The following TMEM132D variants were observed in gnomAD, a reference collection of about 807,000 sequenced individuals.
TMEM132D encodes the protein transmembrane protein 132D.
Under a neutral mutation model 62.3 loss-of-function variants are expected in TMEM132D, and 21 were observed. The ratio of observed to expected loss-of-function variants is 0.34; its 90% CI spans 0.24 to 0.49. The LOEUF (loss-of-function observed/expected upper bound fraction) is 0.49. Among genes scored for constraint, TMEM132D ranks in the 20% least tolerant of loss-of-function variants. The pLI is 0.99. For missense variants in TMEM132D, 1,346 were observed against 1,402.8 expected (o/e 0.96, Z 0.65); for synonymous variants, 621 against 575.6 (o/e 1.08, Z -1.13).
intron 1 of TMEM132D, among the ~76,000 whole-genome samples, chr12:129,824,478 C>T (rs1322496957): frequency 3.3e-5 from 5 of 152,104 alleles, no homozygotes; most frequent in Non-Finnish European, 5.9e-5. Flanking sequence ...GCCCTCGCCC[C>T]AAGTATGACG....
At chr12:129,840,716 C>A (rs912678796) in intron 1 of TMEM132D, among the ~76,000 whole-genome samples, 3 of 152,200 alleles carry the variant, frequency 2.0e-5, no homozygotes, top group Non-Finnish European at 4.4e-5. Context: ...GTGTTCCAGT[C>A]CCACCCTGGC....
At chr12:129,870,775 G>A (rs1874214779) in intron 1 of TMEM132D, among the ~76,000 whole-genome samples, 1 of 152,146 alleles carries the variant, frequency 6.6e-6, no homozygotes, top group Admixed American at 6.5e-5. Flanking sequence ...TTTGGCTCAG[G>A]TTTGGTTAAG....
chr12:129,659,764 A>T (rs1880189181), intron 2 of TMEM132D, among the ~76,000 whole-genome samples: 1 of 152,232 alleles, frequency 6.6e-6, no homozygotes, highest in Admixed American at 6.5e-5. Context: ...CATGAAATAT[A>T]ATCTAGCTCT....
chr12:129,124,942 A>G (rs1876170851), intron 5 of TMEM132D, among the ~76,000 whole-genome samples: 1 of 152,180 alleles, frequency 6.6e-6, no homozygotes, highest in African/African-American at 2.4e-5. Context: ...TATTAATGTA[A>G]TTACATTTCC....
At chr12:129,135,931 T>G (rs1028684333) in intron 5 of TMEM132D, among the ~76,000 whole-genome samples, 2 of 152,342 alleles carry the variant, frequency 1.3e-5, no homozygotes, top group Middle Eastern at 3.4e-3. Context: ...AGGGCCCACC[T>G]TATTGCAGTA....
intron 2 of TMEM132D, among the ~76,000 whole-genome samples, chr12:129,547,727 G>A (rs1466113111): frequency 3.3e-5 from 5 of 152,228 alleles, no homozygotes; most frequent in Non-Finnish European, 7.3e-5. Context: ...ACTTCTCATA[G>A]TGTGCTGTTG....
intron 1 of TMEM132D, among the ~76,000 whole-genome samples, chr12:129,874,453 A>C (rs1254553456): frequency 3.9e-5 from 6 of 152,040 alleles, no homozygotes; most frequent in Non-Finnish European, 7.4e-5. Context: ...TTTTAAAAGT[A>C]ACTGTGTGAG....
Position 129,073,611 on chromosome 12 carries a change from T to G in TMEM132D, c.*264A>C, listed in dbSNP as rs779733905. 1 of 377,106 alleles carries G rather than the reference T, an allele frequency of 2.7e-6. No individual in the cohort carries two copies. The highest frequency in any genetic ancestry group is 4.7e-6 in the Non-Finnish European group (1 of 211,396). 23.4% of individuals were successfully genotyped at this position (377,106 alleles called of 1,614,324 possible). A position where few individuals can be genotyped will look rare whatever the true frequency, so the allele number is the denominator to read the frequency against. On this transcript the variant is annotated 3_prime_UTR_variant, in exon 9 of 9. Transcript: ENST00000422113. Reference sequence around the variant, plus strand: ...CTGGACGCTCTCAGACGCTCAGTGATTCAGAACTCGTTTTTGTTTCAAGTC... The same window carrying G: ...CTGGACGCTCTCAGACGCTCAGTGAGTCAGAACTCGTTTTTGTTTCAAGTC...
chr12:129,895,454 A>C (rs1875076351), intron 1 of TMEM132D, among the ~76,000 whole-genome samples: 1 of 152,168 alleles, frequency 6.6e-6, no homozygotes, highest in Admixed American at 6.5e-5. Flanking sequence ...GGTACAAATG[A>C]TATCTTGTCT....
At chr12:129,240,928 C>T (rs10744405) in intron 4 of TMEM132D, among the ~76,000 whole-genome samples, 60,993 of 151,876 alleles carry the variant, frequency 0.4, 13,427 homozygotes, top group Middle Eastern at 0.5. Context: ...CCTCTTTATC[C>T]TGCCTTCTGA....
At chr12:129,826,529 A>G (rs1872668497) in intron 1 of TMEM132D, among the ~76,000 whole-genome samples, 1 of 152,154 alleles carries the variant, frequency 6.6e-6, no homozygotes, top group African/African-American at 2.4e-5. Flanking sequence ...CTGGGACACA[A>G]GAGTCTTTTA....
At chr12:129,197,676 T>C (rs1425949031) in intron 5 of TMEM132D, among the ~76,000 whole-genome samples, 1 of 152,080 alleles carries the variant, frequency 6.6e-6, no homozygotes, top group East Asian at 1.9e-4. Flanking sequence ...AACCAGAAAC[T>C]GCAAAACTAC....
intron 1 of TMEM132D, among the ~76,000 whole-genome samples, chr12:129,883,726 C>T (rs1441878037): frequency 1.3e-5 from 2 of 152,080 alleles, no homozygotes; most frequent in Non-Finnish European, 2.9e-5. Context: ...CAAAAGAGAG[C>T]TCAGAGTATA....
chr12:129,229,686 C>T (rs1879583426), intron 4 of TMEM132D, among the ~76,000 whole-genome samples: 1 of 152,210 alleles, frequency 6.6e-6, no homozygotes, highest in Non-Finnish European at 1.5e-5. Flanking sequence ...CAAAGAGCTG[C>T]TCTCAGACTT....
At chr12:129,869,397 T>A (rs1360675513) in intron 1 of TMEM132D, among the ~76,000 whole-genome samples, 3 of 152,196 alleles carry the variant, frequency 2.0e-5, no homozygotes, top group Admixed American at 2.0e-4. Flanking sequence ...TGATATCAAA[T>A]GAAATAGTAT....
intron 2 of TMEM132D, among the ~76,000 whole-genome samples, chr12:129,535,995 C>T (rs975585952): frequency 6.6e-6 from 1 of 152,092 alleles, no homozygotes; most frequent in Non-Finnish European, 1.5e-5. Context: ...CAGCTATCCG[C>T]AGGCTAATAC....
chr12:129,564,834 T>C (rs981291335), intron 2 of TMEM132D, among the ~76,000 whole-genome samples: 3 of 152,208 alleles, frequency 2.0e-5, no homozygotes, highest in Admixed American at 6.5e-5. Context: ...ATGGGTATTG[T>C]TGTCAGGCTG....
intron 4 of TMEM132D, among the ~76,000 whole-genome samples, chr12:129,215,528 A>C (rs2135570461): frequency 6.6e-6 from 1 of 152,360 alleles, no homozygotes; most frequent in South Asian, 2.1e-4. Context: ...AGAAGAACTA[A>C]GCAGATTCTG....
chr12:129,682,406 A>C (rs1178780644), intron 2 of TMEM132D, among the ~76,000 whole-genome samples: 1 of 152,164 alleles, frequency 6.6e-6, no homozygotes, highest in Non-Finnish European at 1.5e-5. Flanking sequence ...GTGTCACGAC[A>C]GGTGCCCAGA....
Sources: gnomAD v4.1 joint callset for allele counts (sites outside exome capture counted in the v4.1 genomes callset) on GRCh38, gnomAD v4.1.1 for gene constraint, MANE v1.5 for transcripts, NCBI Gene and HGNC (gene_info 2026-07-23, HGNC 2026-07-21) for gene names.